DPP6: variants seen among roughly 807,000 people sequenced by gnomAD.
DPP6 encodes A-type potassium channel modulatory protein DPP6.
Under a neutral mutation model 122.6 loss-of-function variants are expected in DPP6, and 69 were observed. The observed-to-expected ratio is 0.56, with a 90% CI of 0.46 to 0.69. DPP6 has a LOEUF of 0.69. DPP6 is among the 30% of genes least tolerant of loss of function. The pLI is 0.00. For missense variants in DPP6, 928 were observed against 1,116.9 expected (o/e 0.83, Z 2.41); for synonymous variants, 418 against 433.1 (o/e 0.97, Z 0.43).
upstream of DPP6, among the ~76,000 whole-genome samples, chr7:154,050,400 TTA>T (rs1329916933): frequency 6.6e-6 from 1 of 152,080 alleles, no homozygotes; most frequent in Non-Finnish European, 1.5e-5. Context: ...AGTATGACAT[TTA>T]GTTTGTGTAA....
At chr7:154,627,000 CTTTTTTTTTTTTTTT>C (rs552919287) in intron 5 of DPP6, among the ~76,000 whole-genome samples, 1 of 52,092 alleles carries the variant, frequency 1.9e-5, no homozygotes, top group Non-Finnish European at 3.4e-5. Flanking sequence ...GAAATTTTTT[CTTTTTTTTTTTTTTT>C]TTTTTTTTTT....
intron 1 of DPP6, among the ~76,000 whole-genome samples, chr7:154,297,860 G>A (rs554261790): frequency 1.3e-5 from 2 of 152,298 alleles, no homozygotes; most frequent in South Asian, 4.2e-4. Context: ...TAAATGAAGA[G>A]CGTGCACGCT....
At chr7:154,751,322 C>G (rs1266724385) in intron 8 of DPP6, among the ~76,000 whole-genome samples, 2 of 151,810 alleles carry the variant, frequency 1.3e-5, no homozygotes, top group Admixed American at 1.3e-4. Context: ...GAAAACTGGC[C>G]GGCACGATGG....
chr7:154,804,767 C>A, intron 14 of DPP6, 150 bp from the exon 15 acceptor site: 2 of 1,094,986 alleles, frequency 1.8e-6, no homozygotes, highest in Non-Finnish European at 2.7e-6. Context: ...GCTCTGGTCA[C>A]AGGTGTAGCT....
chr7:154,783,469 G>T (rs561168667), intron 10 of DPP6, among the ~76,000 whole-genome samples: 3 of 152,300 alleles, frequency 2.0e-5, no homozygotes, highest in Admixed American at 6.5e-5. Flanking sequence ...GCGCGGGTCA[G>T]TGGCGTGTGG....
the DPP6 span, among the ~76,000 whole-genome samples, chr7:153,826,891 A>G: frequency 6.6e-6 from 1 of 152,290 alleles, no homozygotes; most frequent in Non-Finnish European, 1.5e-5. Context: ...TACTAACACA[A>G]AAATAATTTT....
chr7:154,512,680 A>T (rs1228259133), intron 3 of DPP6, among the ~76,000 whole-genome samples: 1 of 149,810 alleles, frequency 6.7e-6, no homozygotes, highest in African/African-American at 2.4e-5. Context: ...CAAAGTGGAA[A>T]TCATGTGTAA....
At chr7:154,319,656 C>T (rs1248008669) in intron 1 of DPP6, among the ~76,000 whole-genome samples, 1 of 151,616 alleles carries the variant, frequency 6.6e-6, no homozygotes, top group Non-Finnish European at 1.5e-5. Context: ...GATTGGACCA[C>T]TGCACTTCAG....
intron 1 of DPP6, among the ~76,000 whole-genome samples, chr7:154,421,811 A>G (rs1046667633): frequency 1.3e-5 from 2 of 152,212 alleles, no homozygotes; most frequent in East Asian, 3.9e-4. Context: ...GGAACCAGCT[A>G]TTTAAATTAA....
At chr7:153,867,645 C>T in the DPP6 span, among the ~76,000 whole-genome samples, 1 of 152,116 alleles carries the variant, frequency 6.6e-6, no homozygotes, top group East Asian at 1.9e-4. Flanking sequence ...CCTTTATTTC[C>T]TTCTCCTGCC....
At chr7:154,310,794 G>A (rs1194799185) in intron 1 of DPP6, among the ~76,000 whole-genome samples, 1 of 152,108 alleles carries the variant, frequency 6.6e-6, no homozygotes, top group Non-Finnish European at 1.5e-5. Flanking sequence ...CGTGGAAAGT[G>A]TTAAGATGCT....
At chr7:154,051,782 C>G (rs1198874453), upstream of DPP6, among the ~76,000 whole-genome samples, 1 of 150,822 alleles carries the variant, frequency 6.6e-6, no homozygotes, top group African/African-American at 2.4e-5. Context: ...CGCCCCGCGA[C>G]CTTTCCTGCC....
chr7:154,202,046 GA>G (rs1427055817), intron 1 of DPP6, among the ~76,000 whole-genome samples: 36 of 152,178 alleles, frequency 2.4e-4, no homozygotes, highest in African/African-American at 8.2e-4. Flanking sequence ...CCTAAAAGTG[GA>G]GCTACGACTA....
chr7:154,556,162 T>C (rs1830026361), intron 4 of DPP6, among the ~76,000 whole-genome samples: 1 of 152,230 alleles, frequency 6.6e-6, no homozygotes, highest in African/African-American at 2.4e-5. Flanking sequence ...CTTTGAATAC[T>C]TATTATGTAC....
chr7:154,867,337 C>T (rs983464588), intron 17 of DPP6, among the ~76,000 whole-genome samples: 1 of 152,136 alleles, frequency 6.6e-6, no homozygotes, highest in African/African-American at 2.4e-5. Context: ...TGTGTGCTGT[C>T]GCGGCAGAGG....
chr7:154,844,602 G>T (rs1801804997), intron 16 of DPP6, among the ~76,000 whole-genome samples: 1 of 152,162 alleles, frequency 6.6e-6, no homozygotes, highest in Admixed American at 6.5e-5. Flanking sequence ...GAAACCTTGA[G>T]GCCTGTGGTG....
intron 1 of DPP6, among the ~76,000 whole-genome samples, chr7:154,398,508 G>A (rs753163663): frequency 3.9e-5 from 6 of 152,146 alleles, no homozygotes; most frequent in Non-Finnish European, 7.3e-5. Context: ...GCACCAATGT[G>A]ATCATAAGAA....
Position 154,241,191 on chromosome 7 carries a change from G to A in DPP6, c.243+188128G>A, listed in dbSNP as rs1259921480. On this transcript the variant is annotated intron_variant, in intron 1 of 25. Transcript: ENST00000377770. This position sits in a 1 kb window ranked among gnomAD's most constrained non-coding sequence, Gnocchi z 9.0. ...TAGGTAATTCAATATCAATATGTGTGTGTGTGTGTGTGTGTGTGTGTGTGT... is the reference window on the plus strand; with the variant it reads ...TAGGTAATTCAATATCAATATGTGTATGTGTGTGTGTGTGTGTGTGTGTGT... Among the ~76,000 whole-genome samples, 4 of 147,778 alleles carry A rather than the reference G, an allele frequency of 2.7e-5. No individual in the cohort carries two copies. The East Asian group carries it at 7.8e-4, about 29-fold the overall frequency.
intron 1 of DPP6, among the ~76,000 whole-genome samples, chr7:154,168,166 C>T (rs189109907): frequency 7.2e-5 from 11 of 152,170 alleles, no homozygotes; most frequent in Admixed American, 5.9e-4. Context: ...GTGGAGTCAA[C>T]AGAAAAGCAG....
Sources: allele counts gnomAD v4.1 joint callset (sites outside exome capture counted in the v4.1 genomes callset), GRCh38; gene constraint gnomAD v4.1.1; non-coding constraint Gnocchi (gnomAD v3.1); transcripts MANE v1.5; gene names NCBI Gene and HGNC (gene_info 2026-07-23, HGNC 2026-07-21).